SIAH3: variants seen among roughly 807,000 people sequenced by gnomAD.
SIAH3 encodes the protein seven in absentia homolog 3.
Under a neutral mutation model 12.6 loss-of-function variants are expected in SIAH3, and 9 were observed. The observed-to-expected ratio is 0.72, with a 90% CI of 0.43 to 1.25. SIAH3 has a LOEUF of 1.25. Ranked by LOEUF, SIAH3 falls within the 50% of genes most tolerant of loss-of-function variation. The pLI, the probability that SIAH3 is intolerant of heterozygous loss-of-function variation, is 0.00. For synonymous variants in SIAH3, 154 were observed against 151.1 expected, an observed-to-expected ratio of 1.02 and a Z score of -0.14; for missense variants, 390 against 365.4, an observed-to-expected ratio of 1.07 and a Z score of -0.55.
chr13:45,840,740 G>A (rs1442642634), intron 1 of SIAH3, among the ~76,000 whole-genome samples: 1 of 152,224 alleles, frequency 6.6e-6, no homozygotes, highest in Non-Finnish European at 1.5e-5. Context: ...GCGTTTTAAA[G>A]TGAAATATAC....
At chr13:45,821,329 C>T (rs966906000) in intron 1 of SIAH3, among the ~76,000 whole-genome samples, 2 of 152,264 alleles carry the variant, frequency 1.3e-5, no homozygotes, top group African/African-American at 4.8e-5. Context: ...CTAGAAGGAA[C>T]AAGCCCTGCC....
chr13:45,850,647 A>G (rs1268561345), intron 1 of SIAH3, among the ~76,000 whole-genome samples: 2 of 149,532 alleles, frequency 1.3e-5, no homozygotes, highest in East Asian at 4.0e-4. Flanking sequence ...TTCCTTTCCC[A>G]GTCAGTCTTG....
intron 1 of SIAH3, among the ~76,000 whole-genome samples, chr13:45,835,057 C>G (rs1950713241): frequency 6.6e-6 from 1 of 152,084 alleles, no homozygotes; most frequent in East Asian, 1.9e-4. Flanking sequence ...GGTGTGAGAG[C>G]CCACAAGATA....
At chr13:45,786,162 C>T (rs955248080) in intron 1 of SIAH3, among the ~76,000 whole-genome samples, 7 of 152,230 alleles carry the variant, frequency 4.6e-5, no homozygotes, top group African/African-American at 1.7e-4. Context: ...GCCCAGGGCC[C>T]ACACCTTCCA....
intron 1 of SIAH3, among the ~76,000 whole-genome samples, chr13:45,849,880 A>G (rs1361117734): frequency 6.6e-6 from 1 of 152,236 alleles, no homozygotes; most frequent in Non-Finnish European, 1.5e-5. Context: ...TTCTTGCCCC[A>G]GGGAACTAAC....
At chr13:45,814,100 G>A (rs1347539822) in intron 1 of SIAH3, among the ~76,000 whole-genome samples, 11 of 151,814 alleles carry the variant, frequency 7.2e-5, no homozygotes, top group Non-Finnish European at 1.3e-4. Flanking sequence ...TTAGCCGGGC[G>A]TGGTGGCGGG....
rs1162508755 is a variant in SIAH3, at chr13:45,851,686, T to C, written c.-57A>G. The C allele has an allele frequency of 1.2e-5, 19 of 1,611,484 alleles. No individual in the cohort carries two copies. In the East Asian group the frequency reaches 3.1e-4, roughly 26 times the overall value. On this transcript the variant is annotated 5_prime_UTR_variant, in exon 1 of 2. Coordinates refer to ENST00000400405, the MANE Select transcript of SIAH3 (RefSeq NM_198849.3). ...GGCAGCGGAGGAAGCTGTGAGTCCT[T>C]GGGCCCTGGAAGGAGCGCAGCCTCT...
chr13:45,844,123 G>C (rs1950750312), intron 1 of SIAH3, among the ~76,000 whole-genome samples: 1 of 152,230 alleles, frequency 6.6e-6, no homozygotes, highest in East Asian at 1.9e-4. Context: ...AATGAAGTAT[G>C]ATTTAAAGAG....
intron 1 of SIAH3, among the ~76,000 whole-genome samples, chr13:45,839,554 C>T (rs1950731794): frequency 6.6e-6 from 1 of 152,198 alleles, no homozygotes; most frequent in African/African-American, 2.4e-5. Flanking sequence ...ATTTTTAGGC[C>T]AGGTGCGGTG....
chr13:45,823,660 C>A (rs772119382), intron 1 of SIAH3, among the ~76,000 whole-genome samples: 2 of 152,240 alleles, frequency 1.3e-5, no homozygotes. Flanking sequence ...TCCAAAGACA[C>A]CATGAAGCCT....
chr13:45,784,398 GTT>G (rs35686357), intron 1 of SIAH3, among the ~76,000 whole-genome samples: 2,100 of 65,650 alleles, frequency 0.032, 16 homozygotes, highest in African/African-American at 0.12. Context: ...AAAGACAGCT[GTT>G]TTTTTTTTTT....
intron 1 of SIAH3, among the ~76,000 whole-genome samples, chr13:45,818,960 A>G (rs1332020110): frequency 6.6e-6 from 1 of 152,200 alleles, no homozygotes; most frequent in South Asian, 2.1e-4. Flanking sequence ...TATGGAGATG[A>G]ATAAAAGGCA....
intron 1 of SIAH3, among the ~76,000 whole-genome samples, chr13:45,785,133 A>G (rs1358979462): frequency 2.0e-5 from 3 of 152,158 alleles, no homozygotes; most frequent in African/African-American, 7.2e-5. Flanking sequence ...TGAACACAAG[A>G]GCACACCCCC....
chr13:45,805,796 T>G (rs149834519), intron 1 of SIAH3, among the ~76,000 whole-genome samples: 171 of 152,226 alleles, frequency 1.1e-3, no homozygotes, highest in Admixed American at 2.3e-3. Context: ...AGACAATTTA[T>G]AGAATGGTAG....
At chr13:45,848,639 C>T (rs12585576) in intron 1 of SIAH3, among the ~76,000 whole-genome samples, 1 of 152,194 alleles carries the variant, frequency 6.6e-6, no homozygotes, top group Non-Finnish European at 1.5e-5. Flanking sequence ...GCCTCAGTTT[C>T]TAAAATGCTG....
intron 1 of SIAH3, among the ~76,000 whole-genome samples, chr13:45,803,026 C>G (rs1016168664): frequency 6.6e-6 from 1 of 151,734 alleles, no homozygotes; most frequent in Non-Finnish European, 1.5e-5. Context: ...GAGCTGAGAT[C>G]GCTCACTGCA....
chr13:45,826,379 G>GGTTGGGT (rs1950675448), intron 1 of SIAH3, among the ~76,000 whole-genome samples: 1 of 2,516 alleles, frequency 4.0e-4, no homozygotes, highest in Non-Finnish European at 7.8e-4. Context: ...ATGGATGAAT[G>GGTTGGGT]AATGGATGGA....
intron 1 of SIAH3, among the ~76,000 whole-genome samples, chr13:45,792,883 G>A (rs1593376333): frequency 6.6e-6 from 1 of 152,146 alleles, no homozygotes; most frequent in Non-Finnish European, 1.5e-5. Flanking sequence ...TTTTGAGTGT[G>A]CTAATGAGTC....
chr13:45,789,389 TATC>T (rs2137550387), intron 1 of SIAH3, among the ~76,000 whole-genome samples: 2 of 35,586 alleles, frequency 5.6e-5, no homozygotes, highest in African/African-American at 2.0e-4. Flanking sequence ...TCTATCTATC[TATC>T]TATCTATCTA....
Sources: allele counts gnomAD v4.1 joint callset (sites outside exome capture counted in the v4.1 genomes callset), GRCh38; gene constraint gnomAD v4.1.1; transcripts MANE v1.5; gene names NCBI Gene and HGNC (gene_info 2026-07-23, HGNC 2026-07-21).